The following SLC25A48 variants were observed in gnomAD, a reference collection of about 807,000 sequenced individuals.
SLC25A48 encodes the protein solute carrier family 25 member 48.
Under a neutral mutation model 32.2 loss-of-function variants are expected in SLC25A48, and 29 were observed. The ratio of observed to expected loss-of-function variants is 0.90; its 90% confidence interval spans 0.67 to 1.23. The LOEUF is 1.23. SLC25A48 is among the 50% of genes most tolerant of loss of function. SLC25A48 has a pLI of 0.00. For synonymous variants in SLC25A48, 164 were observed against 172.3 expected, an observed-to-expected ratio of 0.95 and a Z score of 0.38; for missense variants, 399 against 422.7, an observed-to-expected ratio of 0.94 and a Z score of 0.49.
intron 3 of SLC25A48, among the ~76,000 whole-genome samples, chr5:135,679,828 T>C (rs759674132): frequency 6.6e-6 from 1 of 152,150 alleles, no homozygotes; most frequent in Non-Finnish European, 1.5e-5. Flanking sequence ...TGCCTTGCTG[T>C]AGCTGCTTAG....
intron 3 of SLC25A48, chr5:135,746,310 C>A: frequency 6.3e-6 from 1 of 158,712 alleles, no homozygotes; most frequent in South Asian, 1.6e-4. Context: ...TGGGGCATCC[C>A]TGACATGAAG....
intron 6 of SLC25A48, among the ~76,000 whole-genome samples, chr5:135,879,583 GGAGAGAGAGA>G (rs371969525): frequency 5.0e-4 from 72 of 143,498 alleles, no homozygotes; most frequent in African/African-American, 1.8e-3. Context: ...AGATTCCCGA[GGAGAGAGAGA>G]GAGAGAGAGA....
intron 1 of SLC25A48, among the ~76,000 whole-genome samples, chr5:135,587,364 A>G (rs755254099): frequency 2.0e-5 from 3 of 152,240 alleles, no homozygotes; most frequent in Non-Finnish European, 2.9e-5. Flanking sequence ...CTTATTCCTG[A>G]AATTCTTTGC....
intron 3 of SLC25A48, among the ~76,000 whole-genome samples, chr5:135,668,497 TATACTC>T (rs1302749618): frequency 6.6e-6 from 1 of 152,244 alleles, no homozygotes; most frequent in African/African-American, 2.4e-5. Flanking sequence ...TGCTATTTGA[TATACTC>T]ATATCAAATA....
chr5:135,858,469 T>C (rs1308178631), intron 4 of SLC25A48, among the ~76,000 whole-genome samples: 2 of 152,176 alleles, frequency 1.3e-5, no homozygotes, highest in Non-Finnish European at 2.9e-5. Flanking sequence ...AGTGGCTGAG[T>C]GGCCAGTGTT....
intron 3 of SLC25A48, among the ~76,000 whole-genome samples, chr5:135,696,908 T>A (rs541649146): frequency 4.5e-4 from 69 of 152,298 alleles, no homozygotes; most frequent in African/African-American, 1.6e-3. Context: ...CCCCTGGGGA[T>A]GAGGCATTGG....
At chr5:135,843,411 C>T (rs552524272) in intron 2 of SLC25A48, among the ~76,000 whole-genome samples, 1 of 152,310 alleles carries the variant, frequency 6.6e-6, no homozygotes, top group South Asian at 2.1e-4. Context: ...AATTTTACTT[C>T]TGGGCTGACC....
At chr5:135,760,222 T>C (rs1371085879) in intron 3 of SLC25A48, among the ~76,000 whole-genome samples, 1 of 152,212 alleles carries the variant, frequency 6.6e-6, no homozygotes, top group Non-Finnish European at 1.5e-5. Flanking sequence ...GTGCATATAT[T>C]CCTGTTATAG....
At chr5:135,830,013 CAG>C (rs1202852614), upstream of SLC25A48, among the ~76,000 whole-genome samples, 2 of 151,852 alleles carry the variant, frequency 1.3e-5, no homozygotes, top group African/African-American at 4.9e-5. Flanking sequence ...TACACAGGTA[CAG>C]AGATTGGGGT....
In SLC25A48 at chr5:135,880,042, G is replaced by A; in HGVS notation, c.888G>A (p.Glu296=). 3.9e-6 allele frequency: 6 copies of A among 1,536,254 alleles called. No individual in the cohort carries two copies. The highest frequency in any genetic ancestry group is 5.2e-6 in the Non-Finnish European group (6 of 1,146,936). The stretch of plus-strand genomic sequence containing the variant: ...GTGCGGCCATGTTCCTTGGGTACGA[G>A]CTGTCGCTGCAGGCTATCCGCGGGG... ...PMSAAMFLGY[E]LSLQAIRGDH... The change falls in exon 7 of 8, where the codon GAG becomes GAA. Residue 296 remains glutamate (E), a synonymous_variant. Transcript: ENST00000681962.
chr5:135,828,629 C>T (rs1758126537), intron 4 of SLC25A48, among the ~76,000 whole-genome samples: 1 of 152,224 alleles, frequency 6.6e-6, no homozygotes, highest in Non-Finnish European at 1.5e-5. Flanking sequence ...CCTGAGCCAG[C>T]CTCAGCATGG....
intron 3 of SLC25A48, among the ~76,000 whole-genome samples, chr5:135,684,745 T>G (rs1485183062): frequency 1.3e-5 from 2 of 152,364 alleles, no homozygotes; most frequent in African/African-American, 4.8e-5. Flanking sequence ...TGTTGAAATT[T>G]GTTTCACATA....
rs187695848 is a variant in SLC25A48 at position 135,749,163 on chromosome 5, C to T, written c.-520-63360C>T. ...TCTCTAGTCACACAGGGTTCTCCCACTCTGCACTCAGTGAGTCTTTGCACA... is the reference window on the plus strand; with the variant it reads ...TCTCTAGTCACACAGGGTTCTCCCATTCTGCACTCAGTGAGTCTTTGCACA... On this transcript the variant is annotated intron_variant, in intron 3 of 10. Transcript: ENST00000646290. Among the ~76,000 whole-genome samples the T allele has an allele frequency of 6.6e-5, 10 of 152,252 alleles. No individual in the cohort carries two copies. The East Asian group carries it at 1.5e-3, about 23-fold the overall frequency.
At chr5:135,878,948 G>A (rs1296332599) in intron 6 of SLC25A48, among the ~76,000 whole-genome samples, 1 of 152,158 alleles carries the variant, frequency 6.6e-6, no homozygotes, top group Admixed American at 6.5e-5. Context: ...TCCTGAAGGG[G>A]CCTTGTCTCT....
At chr5:135,646,659 T>TTATATATATA (rs34299516) in intron 3 of SLC25A48, among the ~76,000 whole-genome samples, 4,596 of 125,284 alleles carry the variant, frequency 0.037, 303 homozygotes, top group East Asian at 0.16. Flanking sequence ...TAATTTCCCA[T>TTATATATATA]TATATATATA....
chr5:135,645,704 G>A (rs1752943292), intron 3 of SLC25A48, among the ~76,000 whole-genome samples: 2 of 151,944 alleles, frequency 1.3e-5, no homozygotes, highest in African/African-American at 4.9e-5. Context: ...TTCCTGCCTG[G>A]GGCTTGTCCT....
At chr5:135,620,560 G>A (rs1323342967) in intron 1 of SLC25A48, among the ~76,000 whole-genome samples, 1 of 152,140 alleles carries the variant, frequency 6.6e-6, no homozygotes, top group African/African-American at 2.4e-5. Context: ...CAGCCCCGCA[G>A]CAGACTGCAG....
intron 3 of SLC25A48, chr5:135,648,683 TTGAC>T (rs1370271695): frequency 6.6e-6 from 1 of 152,242 alleles, no homozygotes; most frequent in Non-Finnish European, 1.5e-5. Flanking sequence ...GACTCTGAAG[TTGAC>T]TGGTTTATAG....
chr5:135,616,423 G>A (rs546013119), intron 1 of SLC25A48, among the ~76,000 whole-genome samples: 72 of 152,330 alleles, frequency 4.7e-4, no homozygotes, highest in Middle Eastern at 3.4e-3. Context: ...TAGCCTGGAT[G>A]TGAGACATGG....
Sources: allele counts gnomAD v4.1 joint callset (sites outside exome capture counted in the v4.1 genomes callset), GRCh38; gene constraint gnomAD v4.1.1; transcripts MANE v1.5; gene names NCBI Gene and HGNC (gene_info 2026-07-23, HGNC 2026-07-21).